The following SYTL5 variants were observed in gnomAD, a reference collection of about 807,000 sequenced individuals.
SYTL5 encodes synaptotagmin like 5.
SYTL5 carries 34 observed loss-of-function variants against 55.9 expected under a neutral mutation model. The observed-to-expected ratio is 0.61, with a 90% CI of 0.46 to 0.81. The LOEUF (loss-of-function observed/expected upper bound fraction) is 0.81. SYTL5 is among the 30% of genes least tolerant of loss of function. The probability of loss-of-function intolerance (pLI) is 0.00; values close to 1 mark genes in which losing one functional copy is unlikely to be tolerated. For synonymous variants in SYTL5, 221 were observed against 188.7 expected (o/e 1.17, Z -1.40); for missense variants, 637 against 546.7 (o/e 1.17, Z -1.65).
chrX:37,977,700 T>TCA, the SYTL5 span, among the ~76,000 whole-genome samples: 4,040 of 82,477 alleles, frequency 0.049, 113 homozygotes, highest in Non-Finnish European at 0.066. Context: ...GGACCAATGA[T>TCA]CACACACACA....
At chrX:38,111,646 A>C (rs1937362088) in intron 13 of SYTL5, among the ~76,000 whole-genome samples, 2 of 112,261 alleles carry the variant, frequency 1.8e-5, no homozygotes, top group African/African-American at 6.5e-5. Flanking sequence ...AGCTCCAAGC[A>C]TGCCTCTCTA....
At chrX:37,913,064 C>T in the SYTL5 span, among the ~76,000 whole-genome samples, 2 of 111,639 alleles carry the variant, frequency 1.8e-5, no homozygotes, top group Non-Finnish European at 3.8e-5. Context: ...TTTGTACCTC[C>T]CCCTTCTTCC....
the SYTL5 span, among the ~76,000 whole-genome samples, chrX:37,970,355 T>TTG: frequency 2.5e-5 from 1 of 39,233 alleles, no homozygotes; most frequent in African/African-American, 2.9e-4. Context: ...TTTTTTTACC[T>TTG]TTTTTTTTTT....
At chrX:38,126,204 A>G (rs1937640712) in intron 16 of SYTL5, among the ~76,000 whole-genome samples, 1 of 111,947 alleles carries the variant, frequency 8.9e-6, no homozygotes, top group East Asian at 2.8e-4. Context: ...TTTATAGATT[A>G]AGGGGAGCCA....
the SYTL5 span, among the ~76,000 whole-genome samples, chrX:37,997,067 G>A: frequency 8.9e-6 from 1 of 112,542 alleles, no homozygotes; most frequent in South Asian, 3.7e-4. Context: ...AAATGTCTCG[G>A]TATATATGTG....
chrX:38,097,185 A>G (rs929550784), intron 9 of SYTL5, among the ~76,000 whole-genome samples: 2 of 111,314 alleles, frequency 1.8e-5, no homozygotes, highest in Non-Finnish European at 3.8e-5. Context: ...GTGAATAAAA[A>G]TAGCAATAAG....
At chrX:37,903,145 T>C in the SYTL5 span, among the ~76,000 whole-genome samples, 1 of 111,228 alleles carries the variant, frequency 9.0e-6, no homozygotes, top group East Asian at 2.8e-4. Context: ...AGTGTGGCGA[T>C]TCCTCAGGGA....
chrX:37,904,301 C>T, the SYTL5 span, among the ~76,000 whole-genome samples: 1 of 99,258 alleles, frequency 1.0e-5, no homozygotes, highest in Non-Finnish European at 2.0e-5. Flanking sequence ...AGGTAGGGTT[C>T]GAGGAAAGGC....
chrX:38,055,828 T>C (rs1278338125), intron 3 of SYTL5, among the ~76,000 whole-genome samples: 1 of 111,754 alleles, frequency 8.9e-6, no homozygotes, highest in Non-Finnish European at 1.9e-5. Context: ...AGTAGGGTTA[T>C]TTTTGTGAAT....
chrX:38,118,253 C>G (rs1211408516), intron 13 of SYTL5, among the ~76,000 whole-genome samples: 1 of 112,038 alleles, frequency 8.9e-6, no homozygotes, highest in Non-Finnish European at 1.9e-5. Flanking sequence ...CCCACCCTTA[C>G]TAGTAAGTTT....
intron 2 of SYTL5, among the ~76,000 whole-genome samples, chrX:38,046,003 A>G (rs963506905): frequency 5.4e-5 from 6 of 111,840 alleles, no homozygotes; most frequent in Non-Finnish European, 1.1e-4. Context: ...GAAAGAAACA[A>G]CAGTCATGAA....
the SYTL5 span, among the ~76,000 whole-genome samples, chrX:37,926,695 T>A: frequency 3.0e-3 from 332 of 111,927 alleles, 1 homozygote; most frequent in African/African-American, 0.01. Context: ...AGCTATTTTT[T>A]AAAAAATTTT....
chrX:37,996,612 C>G, the SYTL5 span, among the ~76,000 whole-genome samples: 3 of 112,609 alleles, frequency 2.7e-5, no homozygotes, highest in African/African-American at 9.7e-5. Flanking sequence ...GATAGACAAG[C>G]CCCAGAGTCA....
rs185403297 is a variant in SYTL5, at chrX:38,076,556, T to A, written c.555-11T>A. On this transcript the variant is annotated splice_polypyrimidine_tract_variant and intron_variant, in intron 5 of 16. Coordinates refer to ENST00000297875, the MANE Select transcript of SYTL5 (RefSeq NM_138780.3). ...TCTTATCTAATTTTAAATACATATA[T>A]ATAATTTCAGATTTCTTCTTAGCAA... The A allele has an allele frequency of 3.5e-6, 4 of 1,144,200 alleles. No individual in the cohort carries two copies. In the African/African-American group the frequency reaches 7.3e-5, roughly 21 times the overall value. 94.3% of individuals were successfully genotyped at this position (1,144,200 alleles called of 1,213,427 possible). A position where few individuals can be genotyped will look rare whatever the true frequency, so the allele number is the denominator to read the frequency against.
At chrX:38,083,489 G>T (rs758353522) in intron 6 of SYTL5, among the ~76,000 whole-genome samples, 9 of 111,783 alleles carry the variant, frequency 8.1e-5, no homozygotes, top group Non-Finnish European at 1.7e-4. Flanking sequence ...ATTTCATTGA[G>T]TGCCCACTAC....
the SYTL5 span, among the ~76,000 whole-genome samples, chrX:37,987,874 A>G: frequency 8.9e-6 from 1 of 111,946 alleles, no homozygotes; most frequent in African/African-American, 3.2e-5. Context: ...AAAGTTTTAC[A>G]GTGACATTAG....
At chrX:37,927,985 T>G in the SYTL5 span, among the ~76,000 whole-genome samples, 2 of 111,836 alleles carry the variant, frequency 1.8e-5, no homozygotes, top group African/African-American at 6.5e-5. Context: ...GAAAACACAA[T>G]GGAAATGGTG....
At chrX:38,019,631 T>G (rs1341053040) in intron 1 of SYTL5, among the ~76,000 whole-genome samples, 1 of 111,321 alleles carries the variant, frequency 9.0e-6, no homozygotes, top group Non-Finnish European at 1.9e-5. Flanking sequence ...GTTTTTTATT[T>G]GTTTGTTTGT....
the SYTL5 span, among the ~76,000 whole-genome samples, chrX:37,913,941 CCTT>C: frequency 8.9e-6 from 1 of 112,265 alleles, no homozygotes; most frequent in African/African-American, 3.2e-5. Context: ...CTCTGTATAA[CCTT>C]CTGTGTAACC....
Sources: gnomAD v4.1 joint callset for allele counts (sites outside exome capture counted in the v4.1 genomes callset) on GRCh38, gnomAD v4.1.1 for gene constraint, MANE v1.5 for transcripts, NCBI Gene and HGNC (gene_info 2026-07-23, HGNC 2026-07-21) for gene names.